SDCBP2: variants seen among roughly 807,000 people sequenced by gnomAD.
SDCBP2 encodes syntenin-2.
A neutral mutation model predicts 30.7 loss-of-function variants in SDCBP2; 28 were observed. That is an observed-to-expected ratio of 0.91 (90% CI 0.68 to 1.25). SDCBP2 has a LOEUF of 1.25. Among genes scored for constraint, SDCBP2 ranks in the 50% most tolerant of loss-of-function variants. SDCBP2 has a pLI of 0.00. For missense variants in SDCBP2, 399 were observed against 379.0 expected, an observed-to-expected ratio of 1.05 and a Z score of -0.44; for synonymous variants, 166 against 157.3, an observed-to-expected ratio of 1.06 and a Z score of -0.41.
chr20:1,310,403 C>T lies in SDCBP2; in HGVS notation c.*38G>A, dbSNP rs199519469. ...GTGGTTGCCCTTTGCTGCAGGAGGG[C>T]GGGAAGCCCCCCCTGCCTGCCCTGC... is the stretch of plus-strand genomic sequence containing the variant. On this transcript the variant is annotated 3_prime_UTR_variant, in exon 9 of 9. Transcript: ENST00000360779. 4.8e-4 allele frequency: 769 copies of T among 1,604,218 alleles called. 2 individuals carry two copies. The highest frequency in any genetic ancestry group is 8.0e-4 in the South Asian group (73 of 90,736).
intron 1 of SDCBP2, among the ~76,000 whole-genome samples, chr20:1,327,443 T>C (rs997606150): frequency 5.3e-5 from 8 of 152,176 alleles, no homozygotes; most frequent in African/African-American, 9.7e-5. Context: ...GAGGAATAGC[T>C]CCTGGAAGGC....
At chr20:1,325,759 G>C (rs1050761108) in intron 1 of SDCBP2, 5 of 152,166 alleles carry the variant, frequency 3.3e-5, no homozygotes, top group Non-Finnish European at 7.3e-5. Context: ...TCTCCCTTTG[G>C]TTTCGAAAGC....
At position 1,313,462 on chromosome 20, in the gene SDCBP2, C is replaced by T. The variant is rs1243963356; in HGVS notation, c.262G>A (p.Ala88Thr). 1.3e-6 allele frequency: 2 copies of T among 1,599,826 alleles called. No individual in the cohort carries two copies. The highest frequency in any genetic ancestry group is 8.5e-7 in the Non-Finnish European group (1 of 1,175,542). ...CCCAGGCTGTACCCGGTTACCGGTG[C>T]CACCATCTGGCCGGGCCCGGGGCCC... The part of the protein sequence containing the change: ...VSGPGPGQMV[A>T]PVTGYSLGVR... The change falls in exon 5 of 9, where the codon GCA (alanine) becomes ACA (threonine). Residue 88 changes from alanine (A) to threonine (T), a missense_variant. Ala to Thr is a moderately conservative substitution (Grantham distance 58, BLOSUM62 0). Coordinates refer to ENST00000360779, the MANE Select transcript of SDCBP2 (RefSeq NM_080489.5). The surrounding 1 kb of genome is among the most constrained non-coding windows in gnomAD (Gnocchi z 5.2).
rs1053650367 is a variant in SDCBP2, at chr20:1,312,263, G to A, written c.732+74C>T. On this transcript the variant is annotated intron_variant, in intron 7 of 8. Coordinates refer to ENST00000360779, the MANE Select transcript of SDCBP2 (RefSeq NM_080489.5). Reference sequence around the variant, plus strand: ...GAAGAGGATGCTGAGGCTCAGGTGGGGTAAGCAAGCTGCCCAAAGACCTGA... The same window carrying A: ...GAAGAGGATGCTGAGGCTCAGGTGGAGTAAGCAAGCTGCCCAAAGACCTGA... 1.0e-5 allele frequency: 15 copies of A among 1,462,308 alleles called. No homozygotes were observed. In the Admixed American group the frequency reaches 2.5e-4, roughly 25 times the overall value. The allele number at this position is 1,462,308 out of a possible 1,614,324, so 90.6% of individuals were successfully genotyped here. A position where few individuals can be genotyped will look rare whatever the true frequency, so the allele number is the denominator to read the frequency against.
rs2088835687 is a variant in SDCBP2, at chr20:1,320,343, A to C, written c.54+20T>G. ...AGGTCCCCTTCAGGGAATCCAGGCC[A>C]ATGGGGCCTGGCGACTTACCTGAAT... On this transcript the variant is annotated intron_variant, in intron 2 of 8. Transcript: ENST00000360779. The surrounding 1 kb of genome is among the most constrained non-coding windows in gnomAD (Gnocchi z 4.7). 1.2e-5 allele frequency: 19 copies of C among 1,610,898 alleles called. No individual in the cohort carries two copies. Among genetic ancestry groups the C allele is most frequent in the Non-Finnish European group, 1.5e-5 (18 of 1,177,348 alleles).
At position 1,313,568 on chromosome 20, in the gene SDCBP2, G is replaced by A; in HGVS notation, c.226-70C>T. The A allele has an allele frequency of 2.0e-6, 3 of 1,483,130 alleles. No individual in the cohort carries two copies. Among genetic ancestry groups the A allele is most frequent in the Admixed American group, 2.2e-5 (1 of 46,036 alleles). 91.9% of individuals were successfully genotyped at this position (1,483,130 alleles called of 1,614,324 possible). A position where few individuals can be genotyped will look rare whatever the true frequency, so the allele number is the denominator to read the frequency against. On this transcript the variant is annotated intron_variant, in intron 4 of 8. Transcript: ENST00000360779. This position sits in a 1 kb window ranked among gnomAD's most constrained non-coding sequence, Gnocchi z 5.2. The stretch of plus-strand genomic sequence containing the variant: ...CCTGTGCCTCAGGAGACACTGGGGT[G>A]GGGGTAGGGATGGGGAAAGGAGGAT...
intron 1 of SDCBP2, chr20:1,325,303 G>A (rs2088904470): frequency 6.6e-6 from 1 of 152,248 alleles, no homozygotes; most frequent in African/African-American, 2.4e-5. Context: ...GTTGCTATGG[G>A]CTACGGCGCC....
intron 4 of SDCBP2, among the ~76,000 whole-genome samples, chr20:1,317,028 C>A (rs1053338778): frequency 5.3e-5 from 8 of 152,136 alleles, no homozygotes; most frequent in African/African-American, 1.7e-4. Context: ...ATGTAACATT[C>A]TGAAATGACA....
At position 1,321,225 on chromosome 20, in the gene SDCBP2, C is replaced by T. The variant is rs1247449861; in HGVS notation, c.-19-790G>A. ...GGTGTGTCCTATTCACCCCACTGAA[C>T]TCACATGTGATGGGTACACATGATA... On this transcript the variant is annotated intron_variant, in intron 1 of 8. Transcript: ENST00000360779. The surrounding 1 kb of genome is among the most constrained non-coding windows in gnomAD (Gnocchi z 5.2). 2 of 152,284 alleles carry T rather than the reference C, an allele frequency of 1.3e-5. No homozygotes were observed. Among genetic ancestry groups the T allele is most frequent in the African/African-American group, 2.4e-5 (1 of 41,440 alleles). 9.4% of individuals were successfully genotyped at this position (152,284 alleles called of 1,614,324 possible). A position where few individuals can be genotyped will look rare whatever the true frequency, so the allele number is the denominator to read the frequency against.
rs751242425 is a variant in SDCBP2 at position 1,313,273 on chromosome 20, C to T, written c.384+67G>A. The T allele has an allele frequency of 3.3e-6, 5 of 1,526,224 alleles. No homozygotes were observed. Among genetic ancestry groups the T allele is most frequent in the South Asian group, 1.2e-5 (1 of 84,774 alleles). The allele number at this position is 1,526,224 out of a possible 1,614,324, so 94.5% of individuals were successfully genotyped here. On this transcript the variant is annotated intron_variant, in intron 5 of 8. Coordinates refer to ENST00000360779, the MANE Select transcript of SDCBP2 (RefSeq NM_080489.5). This position sits in a 1 kb window ranked among gnomAD's most constrained non-coding sequence, Gnocchi z 5.2. ...CCTTACTGTGGACGGGCCCTCTGAG[C>T]TCTGAGGCCTGGCGGGAGAGCGCGT...
chr20:1,323,587 G>A (rs929899722), intron 1 of SDCBP2: 17 of 152,174 alleles, frequency 1.1e-4, no homozygotes, highest in Non-Finnish European at 1.9e-4. Context: ...GCGGGGAAGT[G>A]AGAAAACAGG....
At chr20:1,322,459 C>T (rs1367087037) in intron 1 of SDCBP2, 1 of 152,210 alleles carries the variant, frequency 6.6e-6, no homozygotes, top group Non-Finnish European at 1.5e-5. Context: ...CACATTCTAC[C>T]TGGGCTTCCA....
intron 7 of SDCBP2, chr20:1,311,093 C>G: frequency 1.9e-6 from 1 of 527,906 alleles, no homozygotes; most frequent in South Asian, 2.7e-5. Context: ...TGAGTGAGAA[C>G]ATGGGTCTCC....
intron 1 of SDCBP2, chr20:1,323,317 A>G (rs530248267): frequency 9.8e-5 from 15 of 152,314 alleles, no homozygotes; most frequent in African/African-American, 3.6e-4. Context: ...CTGAGCAGCT[A>G]TCATCTGCCA....
At chr20:1,314,130 T>C (rs1160745153) in intron 4 of SDCBP2, among the ~76,000 whole-genome samples, 2 of 152,110 alleles carry the variant, frequency 1.3e-5, no homozygotes, top group African/African-American at 4.8e-5. Flanking sequence ...GGATACAAAA[T>C]TAACACACAA....
rs1433819999 is a variant in SDCBP2, at chr20:1,313,208, G to A, written c.384+132C>T. 2 of 973,846 alleles carry A rather than the reference G, an allele frequency of 2.1e-6. No homozygotes were observed. The highest frequency in any genetic ancestry group is 1.6e-5 in the South Asian group (1 of 64,174). 60.3% of individuals were successfully genotyped at this position (973,846 alleles called of 1,614,324 possible). A position where few individuals can be genotyped will look rare whatever the true frequency, so the allele number is the denominator to read the frequency against. On this transcript the variant is annotated intron_variant, in intron 5 of 8. Transcript: ENST00000360779. This position sits in a 1 kb window ranked among gnomAD's most constrained non-coding sequence, Gnocchi z 5.2. ...CTCGGGGAGGAGGGACTGGGGGCAA[G>A]AGCCTGGCCGCTGGGGTTAGGAGGC...
At chr20:1,319,694 C>T (rs757872522) in intron 2 of SDCBP2, 35 bp from the exon 3 acceptor site, 4 of 1,489,584 alleles carry the variant, frequency 2.7e-6, no homozygotes, top group African/African-American at 1.4e-5. Context: ...TCAGCTGTGG[C>T]CAGGACCCCA....
In SDCBP2 at chr20:1,320,474, C is replaced by T. The variant is rs1568563343; in HGVS notation, c.-19-39G>A. On this transcript the variant is annotated intron_variant, in intron 1 of 8. Coordinates refer to ENST00000360779, the MANE Select transcript of SDCBP2 (RefSeq NM_080489.5). The surrounding 1 kb of genome is among the most constrained non-coding windows in gnomAD (Gnocchi z 4.7). ...AGGGTGGGGAAGGATAAGGATGCAG[C>T]TGATGCCCCCTTGAAAGGAGGCACA... 7 of 1,506,100 alleles carry T rather than the reference C, an allele frequency of 4.6e-6. No individual in the cohort carries two copies. Among genetic ancestry groups the T allele is most frequent in the East Asian group, 4.6e-5 (2 of 43,944 alleles). 93.3% of individuals were successfully genotyped at this position (1,506,100 alleles called of 1,614,324 possible).
In SDCBP2 at chr20:1,310,827, C is replaced by T. The variant is rs747218452; in HGVS notation, c.797G>A (p.Ser266Asn). ...GNVVTLTIIP[S>N]VIYEHMVKKL... ...TTTGACCATGTGCTCGTAGATCACA[C>T]TGGGGATGATGGTCAGGGTGACAAC... Residue 266 changes from serine (S) to asparagine (N), a missense_variant, in exon 8 of 9, where the codon AGT becomes AAT. Physicochemically the swap from Ser to Asn is conservative, Grantham distance 46. Coordinates refer to ENST00000360779, the MANE Select transcript of SDCBP2 (RefSeq NM_080489.5). 2 of 1,613,996 alleles carry T rather than the reference C, an allele frequency of 1.2e-6. No individual in the cohort carries two copies. Among genetic ancestry groups the T allele is most frequent in the Admixed American group, 1.7e-5 (1 of 60,020 alleles).
Sources: gnomAD v4.1 joint callset for allele counts (sites outside exome capture counted in the v4.1 genomes callset) on GRCh38, gnomAD v4.1.1 for gene constraint, Gnocchi (gnomAD v3.1) non-coding constraint, MANE v1.5 for transcripts, NCBI Gene and HGNC (gene_info 2026-07-23, HGNC 2026-07-21) for gene names.